The following CPNE8 variants were observed in gnomAD, a reference collection of about 807,000 sequenced individuals.
The protein encoded by CPNE8 is copine-8.
CPNE8 carries 45 observed loss-of-function variants against 81.5 expected under a neutral mutation model. The observed-to-expected ratio is 0.55, with a 90% CI of 0.44 to 0.71. The LOEUF (loss-of-function observed/expected upper bound fraction) is 0.71. CPNE8 is among the 30% of genes least tolerant of loss of function. The pLI is 0.00. For missense variants in CPNE8, 594 were observed against 672.1 expected, an observed-to-expected ratio of 0.88 and a Z score of 1.28; for synonymous variants, 252 against 226.3, an observed-to-expected ratio of 1.11 and a Z score of -1.02.
At chr12:38,763,454 A>G (rs1941613970) in intron 8 of CPNE8, among the ~76,000 whole-genome samples, 1 of 152,220 alleles carries the variant, frequency 6.6e-6, no homozygotes, top group African/African-American at 2.4e-5. Context: ...CCAAGGGCCC[A>G]TTTAAGTTTA....
chr12:38,874,200 A>C (rs1475248065), intron 2 of CPNE8, among the ~76,000 whole-genome samples: 1 of 152,154 alleles, frequency 6.6e-6, no homozygotes, highest in Non-Finnish European at 1.5e-5. Flanking sequence ...CAAATATAAT[A>C]ATTTCTACCA....
intron 17 of CPNE8, 37 bp from the exon 18 acceptor site, chr12:38,675,811 A>G (rs1939275350): frequency 2.3e-6 from 3 of 1,330,832 alleles, no homozygotes; most frequent in Non-Finnish European, 3.2e-6. Context: ...TCAATTAAGA[A>G]ATTGAGTTCT....
intron 10 of CPNE8, among the ~76,000 whole-genome samples, chr12:38,758,444 A>C (rs1941508198): frequency 6.6e-6 from 1 of 152,184 alleles, no homozygotes; most frequent in East Asian, 1.9e-4. Flanking sequence ...ATCACAGAAT[A>C]AGTCCAATGT....
intron 1 of CPNE8, among the ~76,000 whole-genome samples, chr12:38,884,331 C>T (rs1944208091): frequency 6.6e-6 from 1 of 152,138 alleles, no homozygotes; most frequent in Admixed American, 6.5e-5. Context: ...CTTTCAAGTA[C>T]ATGATGTTTT....
intron 10 of CPNE8, 55 bp downstream of exon 10, chr12:38,760,792 A>G (rs1469998140): frequency 9.1e-6 from 12 of 1,325,048 alleles, no homozygotes; most frequent in Non-Finnish European, 4.3e-6. Context: ...ATTTCAATGT[A>G]TGTGCCTCTT....
Position 38,851,501 on chromosome 12 carries a change from C to T in CPNE8, c.187-2839G>A, listed in dbSNP as rs1943645872. On this transcript the variant is annotated intron_variant, in intron 3 of 19. Transcript: ENST00000331366. ...GTCTTTCTTTTTAATCTGCCAACTC[C>T]TATTCATCACTGCCTCATAAGTTAT... 2.0e-5 allele frequency among the ~76,000 whole-genome samples: 3 copies of T among 152,324 alleles called. No homozygotes were observed. In the Middle Eastern group the frequency reaches 0.01, roughly 518 times the overall value.
Position 38,813,882 on chromosome 12 carries a change from G to T in CPNE8, c.407+15497C>A, listed in dbSNP as rs114068227. Among the ~76,000 whole-genome samples the T allele has an allele frequency of 6.8e-3, 1,028 of 152,296 alleles. 18 individuals are homozygous for T. The highest frequency in any genetic ancestry group is 0.023 in the African/African-American group (953 of 41,556). ...GCAAAGGAAGAGGAGATTCAAGGAA[G>T]AAGTGGTCAAGATTTCCAATAGCCA... On this transcript the variant is annotated intron_variant, in intron 6 of 19. Transcript: ENST00000331366.
rs148175319 is a variant in CPNE8 at position 38,858,284 on chromosome 12, C to T, written c.187-9622G>A. 5.2e-3 allele frequency among the ~76,000 whole-genome samples: 787 copies of T among 152,250 alleles called. 11 individuals are homozygous for T. Among genetic ancestry groups the T allele is most frequent in the African/African-American group, 0.017 (722 of 41,556 alleles). On this transcript the variant is annotated intron_variant, in intron 3 of 19. Transcript: ENST00000331366. ...AACATAGATGGTTATGATGCAGTTC[C>T]GTCGAGCCCCAAAATTGGGGCTTAT...
chr12:38,768,909 G>A (rs1012708408), intron 7 of CPNE8, among the ~76,000 whole-genome samples: 2 of 152,100 alleles, frequency 1.3e-5, no homozygotes, highest in African/African-American at 4.8e-5. Context: ...TGAATATTAT[G>A]TGATAAAATG....
intron 3 of CPNE8, among the ~76,000 whole-genome samples, chr12:38,850,439 C>G (rs930469876): frequency 3.3e-5 from 5 of 152,180 alleles, no homozygotes; most frequent in Non-Finnish European, 7.3e-5. Flanking sequence ...GCCTATTTCT[C>G]ATAGAATGCT....
At chr12:38,905,825 C>A (rs1944563403), upstream of CPNE8, 1 of 985,228 alleles carries the variant, frequency 1.0e-6, no homozygotes, top group Non-Finnish European at 1.2e-6. Context: ...GGGACACACT[C>A]CGTGATCCCC....
At chr12:38,851,430 T>A (rs1424613597) in intron 3 of CPNE8, among the ~76,000 whole-genome samples, 3 of 152,258 alleles carry the variant, frequency 2.0e-5, no homozygotes, top group Admixed American at 1.3e-4. Context: ...ATGTTACCAC[T>A]ATCCACTTGA....
At chr12:38,675,332 A>C (rs1415341032) in intron 18 of CPNE8, among the ~76,000 whole-genome samples, 2 of 152,114 alleles carry the variant, frequency 1.3e-5, no homozygotes, top group Non-Finnish European at 2.9e-5. Context: ...TTAATTTAGC[A>C]CTCATCCTTA....
chr12:38,800,653 T>C lies in CPNE8; in HGVS notation c.408-24352A>G, dbSNP rs1165161637. On this transcript the variant is annotated intron_variant, in intron 6 of 19. Transcript: ENST00000331366. ...TCACCAGCAACGGAACAAAGCTGGA[T>C]GGAGAATGATTTTGACGAGCTGAGA... Among the ~76,000 whole-genome samples the C allele has an allele frequency of 2.5e-4, 4 of 15,814 alleles. 1 individual carries two copies. Among genetic ancestry groups the C allele is most frequent in the African/African-American group, 4.0e-4 (4 of 9,880 alleles). The allele number at this position is 15,814 out of a possible 152,430, so 10.4% of individuals were successfully genotyped here. A position where few individuals can be genotyped will look rare whatever the true frequency, so the allele number is the denominator to read the frequency against.
At chr12:38,878,557 T>C (rs779421646) in intron 1 of CPNE8, among the ~76,000 whole-genome samples, 91 of 152,182 alleles carry the variant, frequency 6.0e-4, no homozygotes, top group Non-Finnish European at 9.4e-4. Flanking sequence ...GATTTTATGC[T>C]CAACAAGTCA....
chr12:38,691,801 A>G (rs1256356624), intron 15 of CPNE8, among the ~76,000 whole-genome samples: 2 of 152,190 alleles, frequency 1.3e-5, no homozygotes, highest in African/African-American at 2.4e-5. Flanking sequence ...GTATCCTCAC[A>G]TCGCAGAAGG....
intron 13 of CPNE8, among the ~76,000 whole-genome samples, chr12:38,719,026 G>A (rs1329685598): frequency 2.0e-5 from 3 of 151,926 alleles, no homozygotes; most frequent in South Asian, 2.1e-4. Context: ...AAATTACACC[G>A]AGAGTAAGTT....
intron 6 of CPNE8, among the ~76,000 whole-genome samples, chr12:38,782,284 G>A (rs1314628225): frequency 6.6e-6 from 1 of 152,132 alleles, no homozygotes; most frequent in African/African-American, 2.4e-5. Context: ...CACGTTAAAA[G>A]AGACTAGAAT....
At chr12:38,681,808 G>T (rs1939414638) in intron 16 of CPNE8, among the ~76,000 whole-genome samples, 1 of 152,070 alleles carries the variant, frequency 6.6e-6, no homozygotes, top group Non-Finnish European at 1.5e-5. Flanking sequence ...TTTTATCTAT[G>T]TCCATGTCTA....
Sources: allele counts gnomAD v4.1 joint callset (sites outside exome capture counted in the v4.1 genomes callset), GRCh38; gene constraint gnomAD v4.1.1; transcripts MANE v1.5; gene names NCBI Gene and HGNC (gene_info 2026-07-23, HGNC 2026-07-21).